Variants in RBPJ observed in about 807,000 individuals in gnomAD.
The protein encoded by RBPJ is recombination signal binding protein for immunoglobulin kappa J region.
In RBPJ, 9 loss-of-function variants were observed where a neutral mutation model predicts 67.8. The observed-to-expected ratio is 0.13, with a 90% CI of 0.08 to 0.23. RBPJ has a LOEUF of 0.23. Ranked by LOEUF, RBPJ falls within the 10% of genes least tolerant of loss-of-function variation. The pLI is 1.00. For missense variants in RBPJ, 305 were observed against 595.6 expected (o/e 0.51, Z 5.08); for synonymous variants, 198 against 203.3 (o/e 0.97, Z 0.22).
the RBPJ span, among the ~76,000 whole-genome samples, chr4:26,128,485 AGACC>A: frequency 3.9e-5 from 6 of 152,374 alleles, no homozygotes; most frequent in Non-Finnish European, 7.3e-5. Flanking sequence ...CCTGCAAGAT[AGACC>A]CTCTGATTAT....
intron 1 of RBPJ, among the ~76,000 whole-genome samples, chr4:26,270,748 A>G (rs1051303843): frequency 6.6e-6 from 1 of 152,136 alleles, no homozygotes; most frequent in African/African-American, 2.4e-5. Context: ...CTACCCTCTG[A>G]AGGTTTGATA....
intron 3 of RBPJ, among the ~76,000 whole-genome samples, chr4:26,412,351 C>G (rs564959494): frequency 6.6e-6 from 1 of 152,158 alleles, no homozygotes; most frequent in South Asian, 2.1e-4. Context: ...CATGCCTCAG[C>G]CTCCTGAGTA....
intron 1 of RBPJ, among the ~76,000 whole-genome samples, chr4:26,184,439 C>G (rs1294371949): frequency 6.6e-6 from 1 of 151,986 alleles, no homozygotes; most frequent in Non-Finnish European, 1.5e-5. Context: ...GAGTTCCTGT[C>G]TTGATAGGAT....
At chr4:26,319,323 G>A (rs945275454), upstream of RBPJ, among the ~76,000 whole-genome samples, 9 of 152,190 alleles carry the variant, frequency 5.9e-5, no homozygotes, top group Admixed American at 2.0e-4. Flanking sequence ...CTCCGTTCGA[G>A]GCTCCCCACC....
At chr4:26,244,452 T>TGTGTGTATAC (rs1719851523) in intron 1 of RBPJ, among the ~76,000 whole-genome samples, 2 of 11,028 alleles carry the variant, frequency 1.8e-4, no homozygotes, top group Non-Finnish European at 4.2e-4. Flanking sequence ...TGTGTATACA[T>TGTGTGTATAC]ATATGTGTGT....
At chr4:26,314,603 C>G (rs573386108) in intron 1 of RBPJ, among the ~76,000 whole-genome samples, 2 of 152,154 alleles carry the variant, frequency 1.3e-5, no homozygotes, top group South Asian at 4.2e-4. Context: ...ACCTCCCTTC[C>G]CCGCCTTGGT....
chr4:26,217,280 T>C lies in RBPJ; in HGVS notation c.-167+53666T>C, dbSNP rs1718752914. Among the ~76,000 whole-genome samples, 3 of 152,142 alleles carry C rather than the reference T, an allele frequency of 2.0e-5. No homozygotes were observed. The South Asian group carries it at 6.2e-4, about 32-fold the overall frequency. On this transcript the variant is annotated intron_variant, in intron 1 of 4. Coordinates refer to the RBPJ transcript ENST00000512351. ...ATTATTCTGAAAGGCTGCAAGATGA[T>C]TTTTTAGGAGGATAAATGAAAGCTT...
upstream of RBPJ, among the ~76,000 whole-genome samples, chr4:26,317,913 G>A (rs1173998618): frequency 6.6e-6 from 1 of 152,106 alleles, no homozygotes; most frequent in Non-Finnish European, 1.5e-5. Flanking sequence ...GCTCTCAGAA[G>A]GCCATGATTC....
chr4:26,193,714 A>T (rs79783537), intron 1 of RBPJ, among the ~76,000 whole-genome samples: 4 of 152,156 alleles, frequency 2.6e-5, no homozygotes, highest in Admixed American at 2.6e-4. Context: ...CTCAAGCTTC[A>T]CACGGCAGCC....
At chr4:26,285,013 C>T (rs936342603) in intron 1 of RBPJ, among the ~76,000 whole-genome samples, 18 of 152,010 alleles carry the variant, frequency 1.2e-4, no homozygotes, top group African/African-American at 4.1e-4. Context: ...CCCACCACCA[C>T]GCCTGGTTAA....
At chr4:26,166,605 A>C (rs1435243743) in intron 1 of RBPJ, among the ~76,000 whole-genome samples, 2 of 151,852 alleles carry the variant, frequency 1.3e-5, no homozygotes, top group African/African-American at 4.8e-5. Flanking sequence ...TTCATTGTAG[A>C]TTCTGGATAT....
At chr4:26,265,897 C>A (rs1028679979) in intron 1 of RBPJ, among the ~76,000 whole-genome samples, 1 of 152,070 alleles carries the variant, frequency 6.6e-6, no homozygotes, top group Non-Finnish European at 1.5e-5. Flanking sequence ...ATTAGCCGGG[C>A]CTGGTGGCAC....
rs550648588 is a variant in RBPJ, at chr4:26,211,069, A to C, written c.-167+47455A>C. 5.9e-5 allele frequency among the ~76,000 whole-genome samples: 9 copies of C among 152,232 alleles called. No homozygotes were observed. In the South Asian group the frequency reaches 1.7e-3, roughly 28 times the overall value. On this transcript the variant is annotated intron_variant, in intron 1 of 4. Transcript: ENST00000512351. ...GACTCCCATAACTTTCAAAGCTAGA[A>C]GGGTCATTGGTGAGATTTTCCAACC...
chr4:26,107,934 C>A, the RBPJ span, among the ~76,000 whole-genome samples: 2 of 152,114 alleles, frequency 1.3e-5, no homozygotes, highest in Non-Finnish European at 2.9e-5. Flanking sequence ...GTTCTTTCTC[C>A]TCCTTGGGCT....
intron 1 of RBPJ, among the ~76,000 whole-genome samples, chr4:26,379,123 G>C (rs1730056188): frequency 1.3e-5 from 2 of 152,174 alleles, no homozygotes; most frequent in African/African-American, 4.8e-5. Context: ...TTCTTCACCT[G>C]TAGTGGCCAG....
upstream of RBPJ, chr4:26,319,781 G>A (rs1722827577): frequency 8.0e-7 from 1 of 1,247,232 alleles, no homozygotes; most frequent in Non-Finnish European, 1.2e-6. Flanking sequence ...GTTTCGGGCG[G>A]CGAATTCCAG....
chr4:26,163,906 A>T (rs1716157499), intron 1 of RBPJ, among the ~76,000 whole-genome samples: 1 of 152,262 alleles, frequency 6.6e-6, no homozygotes, highest in Admixed American at 6.5e-5. Flanking sequence ...CCAGACCGGT[A>T]ACACTGCTTC....
intron 1 of RBPJ, among the ~76,000 whole-genome samples, chr4:26,201,120 C>T (rs1290317570): frequency 6.6e-6 from 1 of 152,206 alleles, no homozygotes; most frequent in African/African-American, 2.4e-5. Flanking sequence ...ATTTGTTCCG[C>T]TTTGTCACCA....
chr4:26,255,200 C>T (rs1308507190), intron 1 of RBPJ, among the ~76,000 whole-genome samples: 117 of 135,160 alleles, frequency 8.7e-4, no homozygotes, highest in Middle Eastern at 3.8e-3. Context: ...GTCAGGAGAT[C>T]GGGACCATCC....
Sources: allele counts gnomAD v4.1 joint callset (sites outside exome capture counted in the v4.1 genomes callset), GRCh38; gene constraint gnomAD v4.1.1; transcripts MANE v1.5; gene names NCBI Gene and HGNC (gene_info 2026-07-23, HGNC 2026-07-21).